The following PRR5 variants were observed in gnomAD, a reference collection of about 807,000 sequenced individuals.
PRR5 encodes the protein proline-rich protein 5.
PRR5 carries 25 observed loss-of-function variants against 30.6 expected under a neutral mutation model. That is an observed-to-expected ratio of 0.82 (90% CI 0.60 to 1.14). The LOEUF is 1.14. PRR5 is among the 50% of genes most tolerant of loss of function. PRR5 has a pLI of 0.00. For synonymous variants in PRR5, 286 were observed against 247.1 expected, an observed-to-expected ratio of 1.16 and a Z score of -1.48; for missense variants, 600 against 547.1, an observed-to-expected ratio of 1.10 and a Z score of -0.96.
chr22:44,737,141 A>T lies in PRR5; in HGVS notation c.1061A>T (p.Glu354Val), dbSNP rs751722922. Reference sequence around the variant, plus strand: ...GAGAACCTGGTGGACCAGATCCTGGAGTCCGTGGACTCGGATTCTGAAGGG... The same window carrying T: ...GAGAACCTGGTGGACCAGATCCTGGTGTCCGTGGACTCGGATTCTGAAGGG... The part of the protein sequence containing the change: ...SPENLVDQIL[E>V]SVDSDSEGIF... Residue 354 changes from glutamate (E) to valine (V), a missense_variant, in exon 8 of 8, where the codon GAG becomes GTG. Transcript: ENST00000336985. 1 of 1,612,708 alleles carries T rather than the reference A, an allele frequency of 6.2e-7. No homozygotes were observed. The highest frequency in any genetic ancestry group is 1.1e-5 in the South Asian group (1 of 91,090).
intron 6 of PRR5, 128 bp downstream of exon 6, chr22:44,732,519 G>A: frequency 7.2e-7 from 1 of 1,390,518 alleles, no homozygotes; most frequent in Non-Finnish European, 9.6e-7. Flanking sequence ...GATCAGAGGA[G>A]AAGCCTGTCA....
In PRR5 at chr22:44,714,600, C is replaced by T. The variant is rs774376034; in HGVS notation, c.144C>T (p.Asn48=). 1 of 1,613,318 alleles carries T rather than the reference C, an allele frequency of 6.2e-7. No homozygotes were observed. The highest frequency in any genetic ancestry group is 8.5e-7 in the Non-Finnish European group (1 of 1,179,984). Residue 48 remains asparagine, a synonymous_variant, in exon 2 of 8, where the codon AAC becomes AAT. Coordinates refer to ENST00000336985, the MANE Select transcript of PRR5 (RefSeq NM_181333.4). ...CANATWNSIH[N]GVIAVFQRKG... ...TTCCCTCTGCCCCCAGCATCCACAA[C>T]GGGGTGATCGCCGTCTTCCAGCGCA...
chr22:44,675,798 A>ATTATT, upstream of PRR5, among the ~76,000 whole-genome samples: 1 of 142,498 alleles, frequency 7.0e-6, no homozygotes, highest in African/African-American at 2.7e-5. Context: ...TATTATTATT[A>ATTATT]CTTAGGTCAC....
intron 1 of PRR5, among the ~76,000 whole-genome samples, chr22:44,695,492 A>G (rs552467787): frequency 6.6e-6 from 1 of 152,308 alleles, no homozygotes; most frequent in Admixed American, 6.5e-5. Flanking sequence ...GTGGTTTTTT[A>G]GAGCCTTTTG....
chr22:44,732,924 G>A lies in PRR5; in HGVS notation c.555+533G>A, dbSNP rs559256940. ...ACACGCATACACACTACACACGTGC[G>A]CACGCACATACTACACACGTGTGCA... is the stretch of plus-strand genomic sequence containing the variant. On this transcript the variant is annotated intron_variant, in intron 6 of 7. Coordinates refer to ENST00000336985, the MANE Select transcript of PRR5 (RefSeq NM_181333.4). Among the ~76,000 whole-genome samples the A allele has an allele frequency of 1.5e-3, 218 of 143,626 alleles. 1 individual carries two copies. Among genetic ancestry groups the A allele is most frequent in the Middle Eastern group, 0.015 (4 of 264 alleles). The allele number at this position is 143,626 out of a possible 152,430, so 94.2% of individuals were successfully genotyped here. A position where few individuals can be genotyped will look rare whatever the true frequency, so the allele number is the denominator to read the frequency against.
Position 44,732,242 on chromosome 22 carries a change from C to T in PRR5, c.415-9C>T, listed in dbSNP as rs772372144. 11 of 1,610,072 alleles carry T rather than the reference C, an allele frequency of 6.8e-6. No homozygotes were observed. The highest frequency in any genetic ancestry group is 4.2e-4 in the Middle Eastern group (2 of 4,736). On this transcript the variant is annotated splice_polypyrimidine_tract_variant and intron_variant, in intron 5 of 7. Transcript: ENST00000336985. ...ACAGCCGGTGGGGTGGGGTGCCTTC[C>T]GTCCACAGGGCAAGGAGCCATCGGT...
At chr22:44,722,653 T>G (rs1476049) in intron 2 of PRR5, among the ~76,000 whole-genome samples, 29,447 of 152,122 alleles carry the variant, frequency 0.19, 3,065 homozygotes, top group East Asian at 0.27. Context: ...GAGGACTAGA[T>G]CATGCAGTCA....
In PRR5 at chr22:44,721,098, C is replaced by T. The variant is rs1006715142; in HGVS notation, c.216-4146C>T. Among the ~76,000 whole-genome samples, 10 of 152,188 alleles carry T rather than the reference C, an allele frequency of 6.6e-5. No individual in the cohort carries two copies. In the East Asian group the frequency reaches 7.7e-4, roughly 12 times the overall value. ...GCTGCTCCTGATCCCAGTTGACCCC[C>T]GGGACCCTCTGTTACCGGTGGAGGG... On this transcript the variant is annotated intron_variant, in intron 2 of 7. Coordinates refer to ENST00000336985, the MANE Select transcript of PRR5 (RefSeq NM_181333.4).
intron 4 of PRR5, chr22:44,730,073 C>CA: frequency 2.0e-6 from 2 of 985,452 alleles, no homozygotes; most frequent in Non-Finnish European, 1.2e-6. Context: ...AGATGGGACC[C>CA]AGTCCAGCTC....
intron 1 of PRR5, among the ~76,000 whole-genome samples, chr22:44,705,121 G>A (rs147548791): frequency 1.3e-5 from 2 of 152,108 alleles, no homozygotes; most frequent in Non-Finnish European, 2.9e-5. Flanking sequence ...CCACAAACTC[G>A]GTGGCCTAAA....
chr22:44,708,251 G>A (rs1927553923), intron 1 of PRR5, among the ~76,000 whole-genome samples: 2 of 152,150 alleles, frequency 1.3e-5, no homozygotes, highest in Non-Finnish European at 1.5e-5. Flanking sequence ...GAGGAGGAAA[G>A]GCACTCGATC....
At chr22:44,727,364 C>A (rs925229689) in intron 4 of PRR5, among the ~76,000 whole-genome samples, 1 of 152,180 alleles carries the variant, frequency 6.6e-6, no homozygotes, top group African/African-American at 2.4e-5. Context: ...CCACTCAGTT[C>A]CCACGGATGC....
At chr22:44,712,701 T>C (rs968169011) in intron 1 of PRR5, among the ~76,000 whole-genome samples, 4 of 152,142 alleles carry the variant, frequency 2.6e-5, no homozygotes, top group African/African-American at 9.7e-5. Context: ...TGCTTTGTGG[T>C]GTGGGCAGCA....
intron 2 of PRR5, among the ~76,000 whole-genome samples, chr22:44,722,988 C>CT (rs3053189): frequency 0.011 from 1,544 of 142,586 alleles, 11 homozygotes; most frequent in Middle Eastern, 0.041. Context: ...AAAAACTTTT[C>CT]TTTTTTTTTT....
chr22:44,698,715 C>T (rs1925986936), upstream of PRR5, among the ~76,000 whole-genome samples: 1 of 152,234 alleles, frequency 6.6e-6, no homozygotes. Context: ...TCAGGGCGGC[C>T]AGAATCCGGG....
In PRR5 at chr22:44,735,083, C is replaced by G; in HGVS notation, c.612C>G (p.Val204=). 1 of 1,611,788 alleles carries G rather than the reference C, an allele frequency of 6.2e-7. No individual in the cohort carries two copies. The highest frequency in any genetic ancestry group is 8.5e-7 in the Non-Finnish European group (1 of 1,178,666). Residue 204 remains valine, a synonymous_variant, in exon 7 of 8, where the codon GTC becomes GTG. Transcript: ENST00000336985. ...TEDYLRLETL[V]QKVVSPYLGT... ...ACTACCTGCGCCTGGAGACGCTGGT[C>G]CAGAAGGTGGTGTCGCCATACCTGG...
intron 1 of PRR5, among the ~76,000 whole-genome samples, chr22:44,693,000 C>T (rs12169466): frequency 0.057 from 8,642 of 152,196 alleles, 505 homozygotes; most frequent in African/African-American, 0.15. Flanking sequence ...ATGAGGGTGT[C>T]TCCAGTGTGC....
chr22:44,729,484 A>G (rs894316194), intron 4 of PRR5: 25 of 985,466 alleles, frequency 2.5e-5, no homozygotes, highest in African/African-American at 3.5e-5. Context: ...TACGGCGCGC[A>G]CACACCCGGC....
intron 1 of PRR5, among the ~76,000 whole-genome samples, chr22:44,694,327 C>G (rs1925556711): frequency 6.6e-6 from 1 of 152,152 alleles, no homozygotes; most frequent in Non-Finnish European, 1.5e-5. Flanking sequence ...CACTTGAGGT[C>G]AGAAGTTCGA....
Sources: allele counts gnomAD v4.1 joint callset (sites outside exome capture counted in the v4.1 genomes callset), GRCh38; gene constraint gnomAD v4.1.1; transcripts MANE v1.5; gene names NCBI Gene and HGNC (gene_info 2026-07-23, HGNC 2026-07-21).